Variants in PSD3 observed in about 807,000 individuals in gnomAD.
PSD3 encodes the protein PH and SEC7 domain-containing protein 3.
A neutral mutation model predicts 105.5 loss-of-function variants in PSD3; 49 were observed. That is an observed-to-expected ratio of 0.46 (90% CI 0.37 to 0.59). The LOEUF (loss-of-function observed/expected upper bound fraction) is 0.59, where lower values mean the gene tolerates loss of function less well. Ranked by LOEUF, PSD3 falls within the 20% of genes least tolerant of loss-of-function variation. The pLI is 0.00. For synonymous variants in PSD3, 557 were observed against 457.8 expected (o/e 1.22, Z -2.77); for missense variants, 1,561 against 1,263.8 (o/e 1.24, Z -3.57).
chr8:18,930,473 A>G (rs11996903), intron 2 of PSD3, among the ~76,000 whole-genome samples: 15,005 of 152,172 alleles, frequency 0.099, 1,282 homozygotes, highest in East Asian at 0.34. Flanking sequence ...AAGTCTTTAC[A>G]TTGGCATACG....
At chr8:19,031,683 A>C (rs1243104110) in intron 1 of PSD3, among the ~76,000 whole-genome samples, 8 of 152,202 alleles carry the variant, frequency 5.3e-5, no homozygotes, top group African/African-American at 1.9e-4. Context: ...TATTTGACTC[A>C]TCATAGTGCT....
At chr8:18,553,784 T>A (rs183119417) in intron 15 of PSD3, among the ~76,000 whole-genome samples, 1 of 152,216 alleles carries the variant, frequency 6.6e-6, no homozygotes, top group Admixed American at 6.5e-5. Context: ...CCCTTTTAGA[T>A]GACAGCTGAA....
chr8:19,054,948 TG>T (rs1172050522), intron 1 of PSD3, among the ~76,000 whole-genome samples: 3 of 152,202 alleles, frequency 2.0e-5, no homozygotes, highest in African/African-American at 7.2e-5. Flanking sequence ...AGTGCTCACC[TG>T]GGCACAGGGA....
chr8:18,873,876 A>T (rs1817553363), intron 2 of PSD3, among the ~76,000 whole-genome samples: 1 of 152,222 alleles, frequency 6.6e-6, no homozygotes, highest in Admixed American at 6.5e-5. Context: ...CGAAGTAAAC[A>T]GTATTAGTAT....
At chr8:18,874,154 T>C (rs1817575303) in intron 2 of PSD3, among the ~76,000 whole-genome samples, 1 of 151,964 alleles carries the variant, frequency 6.6e-6, no homozygotes, top group South Asian at 2.1e-4. Context: ...ATTTTTATTT[T>C]ATTTTATTTT....
intron 1 of PSD3, chr8:19,000,669 T>C (rs1163230609): frequency 6.6e-6 from 1 of 151,760 alleles, no homozygotes; most frequent in East Asian, 1.9e-4. Flanking sequence ...ATGGGGAAAA[T>C]TCCCTGTCTC....
At chr8:18,926,293 T>C (rs945862689) in intron 2 of PSD3, among the ~76,000 whole-genome samples, 2 of 151,738 alleles carry the variant, frequency 1.3e-5, no homozygotes, top group African/African-American at 4.8e-5. Context: ...TGAACTTTCT[T>C]TCATGCACAA....
chr8:18,606,526 C>T (rs1339313287), intron 11 of PSD3, among the ~76,000 whole-genome samples: 1 of 152,110 alleles, frequency 6.6e-6, no homozygotes, highest in Non-Finnish European at 1.5e-5. Flanking sequence ...TGTAGGCCAT[C>T]ACATTGCAAA....
intron 8 of PSD3, among the ~76,000 whole-genome samples, chr8:18,776,430 C>T (rs376919568): frequency 6.6e-6 from 1 of 150,514 alleles, no homozygotes; most frequent in East Asian, 1.9e-4. Context: ...CTTGCCCAGG[C>T]TGGAGTGCAG....
At chr8:18,617,302 G>C (rs1428098905) in intron 11 of PSD3, among the ~76,000 whole-genome samples, 1 of 152,076 alleles carries the variant, frequency 6.6e-6, no homozygotes, top group African/African-American at 2.4e-5. Flanking sequence ...AGGCTGAGGT[G>C]GGTGAATCAC....
At chr8:19,000,060 A>C (rs1826291836) in intron 1 of PSD3, 1 of 150,726 alleles carries the variant, frequency 6.6e-6, no homozygotes, top group Non-Finnish European at 1.5e-5. Flanking sequence ...ACTGATATAC[A>C]AGCCACACCG....
At chr8:18,681,463 A>AC in intron 9 of PSD3, among the ~76,000 whole-genome samples, 1 of 151,314 alleles carries the variant, frequency 6.6e-6, no homozygotes, top group East Asian at 1.9e-4. Context: ...AAAAAAAAAA[A>AC]AAAAAGAAGA....
intron 1 of PSD3, chr8:18,940,266 G>C (rs754101618): frequency 1.3e-5 from 2 of 152,156 alleles, no homozygotes; most frequent in African/African-American, 2.4e-5. Context: ...TTCGTACTCT[G>C]TTGTATATAC....
intron 10 of PSD3, among the ~76,000 whole-genome samples, chr8:18,637,561 T>C (rs73213631): frequency 0.053 from 8,061 of 152,246 alleles, 253 homozygotes; most frequent in African/African-American, 0.081. Flanking sequence ...GTTTCTTGCA[T>C]TTGGCAAAAT....
At chr8:18,544,860 G>A (rs1275042826) in intron 15 of PSD3, among the ~76,000 whole-genome samples, 3 of 152,104 alleles carry the variant, frequency 2.0e-5, no homozygotes, top group East Asian at 3.9e-4. Context: ...CCCCTACGGA[G>A]TTTCCTGGAC....
intron 1 of PSD3, among the ~76,000 whole-genome samples, chr8:18,970,344 A>AAAAAAAG (rs1563474672): frequency 1.1e-4 from 17 of 148,406 alleles, no homozygotes; most frequent in African/African-American, 3.8e-4. Flanking sequence ...AAAAAAAAAA[A>AAAAAAAG]AAAACAAAGA....
intron 12 of PSD3, among the ~76,000 whole-genome samples, chr8:18,588,834 G>A (rs947359346): frequency 6.6e-6 from 1 of 152,136 alleles, no homozygotes; most frequent in African/African-American, 2.4e-5. Context: ...AGGAAAAGCT[G>A]GTACCTTTGA....
chr8:18,632,671 A>G lies in PSD3; in HGVS notation c.2352T>C (p.Ala784=). The change falls in exon 11 of 16, where the codon GCT becomes GCC. Residue 784 remains alanine, a synonymous_variant. Coordinates refer to ENST00000327040, the MANE Select transcript of PSD3 (RefSeq NM_015310.4). ...GAGCCAAGAATCCACTTTTGTACAC[A>G]GCAGCATTTGGATCATGAGGAATGT... ...FLDIPHDPNA[A]VYKSGFLARK... The G allele has an allele frequency of 6.2e-7, 1 of 1,612,834 alleles. No homozygotes were observed. Among genetic ancestry groups the G allele is most frequent in the Non-Finnish European group, 8.5e-7 (1 of 1,179,140 alleles).
chr8:18,767,436 C>G (rs1398446603), intron 8 of PSD3, among the ~76,000 whole-genome samples: 1 of 152,124 alleles, frequency 6.6e-6, no homozygotes, highest in Non-Finnish European at 1.5e-5. Context: ...CAAGTGAATA[C>G]AAAGTGTACC....
Sources: gnomAD v4.1 joint callset for allele counts (sites outside exome capture counted in the v4.1 genomes callset) on GRCh38, gnomAD v4.1.1 for gene constraint, MANE v1.5 for transcripts, NCBI Gene and HGNC (gene_info 2026-07-23, HGNC 2026-07-21) for gene names.